DNAH9: variants seen among roughly 807,000 people sequenced by gnomAD.
The protein encoded by DNAH9 is dynein axonemal heavy chain 9.
A neutral mutation model predicts 471.6 loss-of-function variants in DNAH9; 345 were observed. That is an observed-to-expected ratio of 0.73 (90% CI 0.67 to 0.80). DNAH9 has a LOEUF of 0.80. DNAH9 is among the 30% of genes least tolerant of loss of function. The probability of loss-of-function intolerance (pLI) is 0.00; values close to 1 mark genes in which losing one functional copy is unlikely to be tolerated. For synonymous variants in DNAH9, 2,093 were observed against 2,123.6 expected (o/e 0.99, Z 0.40); for missense variants, 5,407 against 5,609.2 (o/e 0.96, Z 1.15).
chr17:11,794,469 C>T (rs1969175501), intron 42 of DNAH9, among the ~76,000 whole-genome samples: 1 of 152,168 alleles, frequency 6.6e-6, no homozygotes, highest in Admixed American at 6.5e-5. Context: ...GTCTACATGA[C>T]AAACTCTCAA....
At chr17:11,639,860 C>T (rs1051331980) in intron 9 of DNAH9, among the ~76,000 whole-genome samples, 1 of 152,050 alleles carries the variant, frequency 6.6e-6, no homozygotes, top group African/African-American at 2.4e-5. Flanking sequence ...AAATTAGCCA[C>T]GTGTGGTGGT....
intron 49 of DNAH9, 122 bp downstream of exon 49, chr17:11,835,020 C>T: frequency 7.8e-7 from 1 of 1,282,726 alleles, no homozygotes; most frequent in Non-Finnish European, 1.0e-6. Flanking sequence ...CTCCAACTGT[C>T]ACTGATTTGC....
At chr17:11,606,146 T>C (rs910587594) in intron 1 of DNAH9, among the ~76,000 whole-genome samples, 1 of 152,134 alleles carries the variant, frequency 6.6e-6, no homozygotes, top group Non-Finnish European at 1.5e-5. Flanking sequence ...CCTTTACTGA[T>C]TGTTGTAAGT....
At position 11,924,616 on chromosome 17, in the gene DNAH9, CTT is replaced by C. The variant is rs756191140; in HGVS notation, c.11877+699_11877+700del. ...TTCGTTTCAACAATTACTACTAACT[CTT>C]TTTTTTTTTTTTTTTTTTTTTTTGA... On this transcript the variant is annotated intron_variant, in intron 62 of 68. Coordinates refer to ENST00000262442, the MANE Select transcript of DNAH9 (RefSeq NM_001372.4). Among the ~76,000 whole-genome samples, 106 of 91,926 alleles carry C rather than the reference CTT, an allele frequency of 1.2e-3. No homozygotes were observed. The East Asian group carries it at 0.016, about 14-fold the overall frequency. The allele number at this position is 91,926 out of a possible 152,430, so 60.3% of individuals were successfully genotyped here.
chr17:11,840,191 G>C (rs1970983695), intron 49 of DNAH9, among the ~76,000 whole-genome samples: 1 of 152,100 alleles, frequency 6.6e-6, no homozygotes, highest in Non-Finnish European at 1.5e-5. Flanking sequence ...ATACAAGAAA[G>C]ACATCCTGCA....
intron 44 of DNAH9, 87 bp from the exon 45 acceptor site, chr17:11,810,159 A>G (rs1346130035): frequency 8.9e-6 from 13 of 1,467,228 alleles, no homozygotes; most frequent in Non-Finnish European, 1.1e-5. Flanking sequence ...CAGAGAAGAA[A>G]ACGGTTCCAT....
At chr17:11,776,107 C>T (rs967175951) in intron 38 of DNAH9, among the ~76,000 whole-genome samples, 10 of 152,132 alleles carry the variant, frequency 6.6e-5, no homozygotes, top group Non-Finnish European at 1.3e-4. Context: ...GGGCTTTCCT[C>T]ACCTTAGTTC....
chr17:11,879,135 T>C (rs546550966), intron 53 of DNAH9, among the ~76,000 whole-genome samples: 7 of 152,088 alleles, frequency 4.6e-5, no homozygotes, highest in Non-Finnish European at 1.0e-4. Flanking sequence ...GTAACATTTA[T>C]TGTGGTGTTT....
intron 50 of DNAH9, among the ~76,000 whole-genome samples, chr17:11,859,946 G>A (rs1469690546): frequency 6.6e-6 from 1 of 152,078 alleles, no homozygotes; most frequent in Non-Finnish European, 1.5e-5. Flanking sequence ...CATAGCACAA[G>A]ATGACACTCT....
intron 14 of DNAH9, among the ~76,000 whole-genome samples, chr17:11,661,375 A>G (rs1435833707): frequency 1.3e-5 from 2 of 152,092 alleles, no homozygotes; most frequent in Non-Finnish European, 2.9e-5. Context: ...TTTTAAGTCT[A>G]ACAACTCTGC....
At chr17:11,943,590 T>C (rs962599362) in intron 67 of DNAH9, among the ~76,000 whole-genome samples, 5 of 152,118 alleles carry the variant, frequency 3.3e-5, no homozygotes, top group African/African-American at 1.2e-4. Context: ...GGCAGGAGAA[T>C]AGCGTGAACC....
intron 22 of DNAH9, among the ~76,000 whole-genome samples, chr17:11,695,736 A>G (rs1219024918): frequency 6.6e-6 from 1 of 152,208 alleles, no homozygotes; most frequent in Non-Finnish European, 1.5e-5. Flanking sequence ...TTTCTGATTC[A>G]CTACGTCTGG....
At chr17:11,632,819 T>C in intron 8 of DNAH9, 116 bp downstream of exon 8, 3 of 574,302 alleles carry the variant, frequency 5.2e-6, no homozygotes, top group Non-Finnish European at 9.5e-6. Flanking sequence ...ATTATTCTTA[T>C]TAATCTAGTA....
intron 14 of DNAH9, among the ~76,000 whole-genome samples, chr17:11,653,386 G>A (rs1006523323): frequency 5.3e-5 from 8 of 152,102 alleles, no homozygotes; most frequent in Admixed American, 2.6e-4. Flanking sequence ...CTTATAACCC[G>A]GCTCCGTAGA....
Position 11,784,287 on chromosome 17 carries a change from G to A in DNAH9, c.7822-13G>A. The A allele has an allele frequency of 6.2e-7, 1 of 1,612,738 alleles. No homozygotes were observed. The highest frequency in any genetic ancestry group is 8.5e-7 in the Non-Finnish European group (1 of 1,178,744). On this transcript the variant is annotated splice_polypyrimidine_tract_variant and intron_variant, in intron 40 of 68. Transcript: ENST00000262442. ...TAACGGATGTTGAGCTCATGCCTTT[G>A]TTTCCTGTACAGCGTCACTTCAGCG...
Position 11,891,943 on chromosome 17 carries a change from T to C in DNAH9, c.11279T>C (p.Phe3760Ser), listed in dbSNP as rs754333759. The change falls in exon 58 of 69, where the codon TTT becomes TCT. Residue 3760 changes from phenylalanine to serine, a missense_variant. Around this residue, in one of 3 missense-constraint regions of DNAH9, gnomAD observed 4,636 missense variants for 4,900.3 expected, o/e 0.95. Transcript: ENST00000262442. ...CTGACCTACCTTGCCCAGCTCACCT[T>C]TCAGGTAAAAGTGGATTGAAGAAGT... is the stretch of plus-strand genomic sequence containing the variant. ...DKLTYLAQLT[F>S]QILLMNREVN... 6.2e-7 allele frequency: 1 copy of C among 1,613,256 alleles called. No individual in the cohort carries two copies. The highest frequency in any genetic ancestry group is 2.2e-5 in the East Asian group (1 of 44,880).
Position 11,705,167 on chromosome 17 carries a change from T to A in DNAH9, c.5534T>A (p.Ile1845Asn), listed in dbSNP as rs1460724904. The change falls in exon 26 of 69, where the codon ATC (isoleucine) becomes AAC (asparagine). Residue 1845 changes from isoleucine (I) to asparagine (N), a missense_variant. By Grantham distance (149) the Ile-to-Asn change is moderately radical (BLOSUM62 -3). This residue lies in a region of DNAH9 where 4,636 missense variants were observed against 4,900.3 expected (regional missense o/e 0.95). Coordinates refer to ENST00000262442, the MANE Select transcript of DNAH9 (RefSeq NM_001372.4). The part of the protein sequence containing the change: ...EYLGNTPRLV[I>N]TPLTDRCYIT... Reference sequence around the variant, plus strand: ...CTGGGAAACACACCTCGCTTGGTGATCACACCTTTGACTGACAGGTGAGCA... The same window carrying A: ...CTGGGAAACACACCTCGCTTGGTGAACACACCTTTGACTGACAGGTGAGCA... 1.2e-6 allele frequency: 2 copies of A among 1,614,048 alleles called. No homozygotes were observed. Among genetic ancestry groups the A allele is most frequent in the African/African-American group, 2.7e-5 (2 of 74,940 alleles).
rs561533963 is a variant in DNAH9 at position 11,712,219 on chromosome 17, C to A, written c.5552+7034C>A. 4.3e-4 allele frequency among the ~76,000 whole-genome samples: 62 copies of A among 143,902 alleles called. 1 individual carries two copies. The East Asian group carries it at 0.011, about 25-fold the overall frequency. 94.4% of individuals were successfully genotyped at this position (143,902 alleles called of 152,430 possible). A position where few individuals can be genotyped will look rare whatever the true frequency, so the allele number is the denominator to read the frequency against. On this transcript the variant is annotated intron_variant, in intron 26 of 68. Transcript: ENST00000262442. Reference sequence around the variant, plus strand: ...TTAAATTTATATAATTTTAAAAACTCCCATATTTTTTAGGTTCACTCATGG... The same window carrying A: ...TTAAATTTATATAATTTTAAAAACTACCATATTTTTTAGGTTCACTCATGG...
intron 53 of DNAH9, among the ~76,000 whole-genome samples, chr17:11,879,675 A>G (rs1395065454): frequency 1.3e-5 from 2 of 152,186 alleles, no homozygotes; most frequent in Non-Finnish European, 2.9e-5. Context: ...ATTTAAAATT[A>G]CATGGAAGGA....
Sources: allele counts gnomAD v4.1 joint callset (sites outside exome capture counted in the v4.1 genomes callset), GRCh38; gene constraint gnomAD v4.1.1; regional missense constraint gnomAD v4.1.1; transcripts MANE v1.5; gene names NCBI Gene and HGNC (gene_info 2026-07-23, HGNC 2026-07-21).